Variants in GLIS3 observed in about 807,000 individuals in gnomAD.
The protein encoded by GLIS3 is GLIS family zinc finger 3.
Under a neutral mutation model 78.6 loss-of-function variants are expected in GLIS3, and 53 were observed. The ratio of observed to expected loss-of-function variants is 0.67; its 90% CI spans 0.54 to 0.85. The LOEUF (loss-of-function observed/expected upper bound fraction) is 0.85, where lower values mean the gene tolerates loss of function less well. Ranked by LOEUF, GLIS3 falls within the 40% of genes least tolerant of loss-of-function variation. The pLI is 0.00. For missense variants in GLIS3, 1,703 were observed against 1,231.1 expected (o/e 1.38, Z -5.74); for synonymous variants, 684 against 509.9 (o/e 1.34, Z -4.60).
intron 4 of GLIS3, among the ~76,000 whole-genome samples, chr9:3,996,069 AT>A (rs1482410320): frequency 1.3e-5 from 2 of 152,196 alleles, no homozygotes; most frequent in Non-Finnish European, 2.9e-5. Context: ...ACTTAAAAAA[AT>A]AATGACAATT....
the GLIS3 span, among the ~76,000 whole-genome samples, chr9:4,368,338 GT>G: frequency 0.32 from 43,774 of 135,034 alleles, 6,748 homozygotes; most frequent in Middle Eastern, 0.41. Context: ...CAAGAACCCT[GT>G]TTTTTTTTTT....
intron 2 of GLIS3, among the ~76,000 whole-genome samples, chr9:4,254,847 A>T (rs1421682294): frequency 1.3e-5 from 2 of 151,934 alleles, no homozygotes; most frequent in Non-Finnish European, 2.9e-5. Flanking sequence ...CTCAAAAAAA[A>T]AAAAAAAAGA....
the GLIS3 span, among the ~76,000 whole-genome samples, chr9:4,480,716 C>T: frequency 6.6e-6 from 1 of 151,672 alleles, no homozygotes; most frequent in Non-Finnish European, 1.5e-5. Context: ...GAAAAAAAAG[C>T]ACATTAATAA....
chr9:4,317,930 G>T (rs1030872774), intron 2 of GLIS3, among the ~76,000 whole-genome samples: 23 of 152,178 alleles, frequency 1.5e-4, no homozygotes, highest in African/African-American at 5.3e-4. Context: ...ATTGTTCCTT[G>T]TATGATTGAT....
intron 4 of GLIS3, among the ~76,000 whole-genome samples, chr9:4,003,126 T>C (rs1445455674): frequency 6.6e-6 from 1 of 152,192 alleles, no homozygotes; most frequent in African/African-American, 2.4e-5. Flanking sequence ...ATGCCTGTAA[T>C]CCCAGTACTT....
the GLIS3 span, among the ~76,000 whole-genome samples, chr9:4,441,188 T>C: frequency 6.6e-6 from 1 of 152,240 alleles, no homozygotes; most frequent in Non-Finnish European, 1.5e-5. Context: ...TCTAGTATTA[T>C]GCTGAGTAAA....
At chr9:4,015,680 G>T (rs1041934208) in intron 4 of GLIS3, among the ~76,000 whole-genome samples, 3 of 151,916 alleles carry the variant, frequency 2.0e-5, no homozygotes, top group Admixed American at 1.3e-4. Flanking sequence ...CTGAGGTCAG[G>T]AGTCTGAGAC....
chr9:4,450,244 A>T, the GLIS3 span, among the ~76,000 whole-genome samples: 1 of 152,240 alleles, frequency 6.6e-6, no homozygotes, highest in Non-Finnish European at 1.5e-5. Context: ...AAGAAAGGGT[A>T]TCAGTGATTG....
At position 3,828,309 on chromosome 9, in the gene GLIS3, C is replaced by T. The variant is rs775310233; in HGVS notation, c.2756G>A (p.Cys919Tyr). The T allele has an allele frequency of 3.1e-6, 5 of 1,613,978 alleles. No homozygotes were observed. Among genetic ancestry groups the T allele is most frequent in the Non-Finnish European group, 3.4e-6 (4 of 1,180,024 alleles). Residue 919 changes from cysteine to tyrosine, a missense_variant, in exon 11 of 11, where the codon TGT becomes TAT. Cys to Tyr is a radical substitution (Grantham distance 194). Transcript: ENST00000381971. ...TFLQISTVDRCPSQLSSVYTE... is the reference protein window; with the variant it reads ...TFLQISTVDRYPSQLSSVYTE... ...GTAGACAGAGGAGAGCTGGCTAGGA[C>T]AGCGGTCCACGGTGCTGATCTGCAA...
intron 4 of GLIS3, among the ~76,000 whole-genome samples, chr9:4,069,648 G>A (rs1168739150): frequency 1.3e-5 from 2 of 152,030 alleles, no homozygotes; most frequent in Non-Finnish European, 2.9e-5. Context: ...ATTGAGGTGA[G>A]AAGTGCCTTG....
At chr9:4,450,516 C>T in the GLIS3 span, among the ~76,000 whole-genome samples, 21 of 152,160 alleles carry the variant, frequency 1.4e-4, no homozygotes, top group African/African-American at 3.9e-4. Flanking sequence ...AGATACTCCT[C>T]GAGAAGAACA....
intron 2 of GLIS3, among the ~76,000 whole-genome samples, chr9:4,284,781 T>C (rs1827844073): frequency 6.6e-6 from 1 of 150,790 alleles, no homozygotes; most frequent in African/African-American, 2.4e-5. Context: ...AGCCAGGCGT[T>C]GTGGCACGCA....
At chr9:4,226,008 G>A (rs1488353599) in intron 2 of GLIS3, among the ~76,000 whole-genome samples, 1 of 152,128 alleles carries the variant, frequency 6.6e-6, no homozygotes, top group African/African-American at 2.4e-5. Context: ...TTAAAATATT[G>A]CCATGTAATA....
Position 4,004,224 on chromosome 9 carries a change from T to C in GLIS3, c.1711-67035A>G, listed in dbSNP as rs377116243. ...GAATTAAAAATATGAGGAAAACAAC[T>C]CCTTTTTATCAGTTGACTGATTGAT... On this transcript the variant is annotated intron_variant, in intron 4 of 10. Transcript: ENST00000381971. Among the ~76,000 whole-genome samples, 490 of 152,244 alleles carry C rather than the reference T, an allele frequency of 3.2e-3. 1 individual carries two copies. Among genetic ancestry groups the C allele is most frequent in the African/African-American group, 0.011 (458 of 41,532 alleles).
At chr9:3,933,005 G>A in intron 5 of GLIS3, 1 of 231,558 alleles carries the variant, frequency 4.3e-6, no homozygotes, top group Non-Finnish European at 8.9e-6. Context: ...ACAGACACGT[G>A]AAAAATCTTC....
intron 4 of GLIS3, among the ~76,000 whole-genome samples, chr9:4,005,994 G>T (rs987156815): frequency 6.6e-6 from 1 of 152,116 alleles, no homozygotes; most frequent in Non-Finnish European, 1.5e-5. Flanking sequence ...TTGCCATGTG[G>T]ACATAACATC....
At chr9:4,132,060 A>C (rs977397879) in intron 2 of GLIS3, among the ~76,000 whole-genome samples, 12 of 151,754 alleles carry the variant, frequency 7.9e-5, no homozygotes, top group Non-Finnish European at 1.5e-4. Context: ...TAAAAAAAAA[A>C]AAAAACAAAA....
chr9:4,223,567 G>C (rs922036822), intron 2 of GLIS3, among the ~76,000 whole-genome samples: 6 of 31,982 alleles, frequency 1.9e-4, no homozygotes, highest in Non-Finnish European at 3.3e-4. Flanking sequence ...TAAGTTCCCT[G>C]ATGAAAGAAG....
intron 9 of GLIS3, among the ~76,000 whole-genome samples, chr9:3,840,752 G>C (rs947208077): frequency 6.6e-5 from 10 of 152,134 alleles, no homozygotes; most frequent in African/African-American, 2.4e-4. Context: ...AAAAGTCCAC[G>C]TGGTTCCAAG....
Sources: allele counts gnomAD v4.1 joint callset (sites outside exome capture counted in the v4.1 genomes callset), GRCh38; gene constraint gnomAD v4.1.1; transcripts MANE v1.5; gene names NCBI Gene and HGNC (gene_info 2026-07-23, HGNC 2026-07-21).